The following DHX33 variants were observed in gnomAD, a reference collection of about 807,000 sequenced individuals.
DHX33 encodes the protein ATP-dependent RNA helicase DHX33.
A neutral mutation model predicts 72.5 loss-of-function variants in DHX33; 42 were observed. That is an observed-to-expected ratio of 0.58 (90% CI 0.45 to 0.75). The LOEUF (loss-of-function observed/expected upper bound fraction) is 0.75, where lower values mean the gene tolerates loss of function less well. Among genes scored for constraint, DHX33 ranks in the 30% least tolerant of loss-of-function variants. The pLI is 0.00. For synonymous variants in DHX33, 358 were observed against 366.1 expected, an observed-to-expected ratio of 0.98 and a Z score of 0.25; for missense variants, 842 against 917.5, an observed-to-expected ratio of 0.92 and a Z score of 1.06.
chr17:5,467,677 A>G (rs1462903389), intron 1 of DHX33, among the ~76,000 whole-genome samples: 1 of 152,040 alleles, frequency 6.6e-6, no homozygotes, highest in African/African-American at 2.4e-5. Context: ...GGCCGGAAAA[A>G]TGTCTGCCCC....
Position 5,453,662 on chromosome 17 carries a change from G to GCA in DHX33, c.1313_1314insTG (p.Leu439AlafsTer5). ...GAAGCTGAAGCATCACACTGGCCAG[G>GCA]TTACACCTGTGAAGAGCATGAGACC... is the stretch of plus-strand genomic sequence containing the variant. On this transcript the variant is annotated frameshift_variant, in exon 8 of 12. Transcript: ENST00000225296. LOFTEE classifies it high-confidence loss of function. 1 of 1,614,174 alleles carries GCA rather than the reference G, an allele frequency of 6.2e-7. No individual in the cohort carries two copies. Among genetic ancestry groups the GCA allele is most frequent in the Non-Finnish European group, 8.5e-7 (1 of 1,180,032 alleles).
chr17:5,465,081 T>G (rs1904816287), intron 1 of DHX33, among the ~76,000 whole-genome samples: 2 of 152,250 alleles, frequency 1.3e-5, no homozygotes, highest in South Asian at 4.1e-4. Context: ...CTCGTGTACT[T>G]GAGTATTTTG....
At chr17:5,454,196 C>T (rs1381620875) in intron 6 of DHX33, among the ~76,000 whole-genome samples, 2 of 152,146 alleles carry the variant, frequency 1.3e-5, no homozygotes, top group Non-Finnish European at 2.9e-5. Flanking sequence ...AAATCTGTTA[C>T]AAAAACATCA....
Position 5,441,095 on chromosome 17 carries a change from T to G in DHX33, c.*3110A>C, listed in dbSNP as rs941334442. 1 of 152,058 alleles carries G rather than the reference T, an allele frequency of 6.6e-6. No homozygotes were observed. The highest frequency in any genetic ancestry group is 1.5e-5 in the Non-Finnish European group (1 of 68,010). The allele number at this position is 152,058 out of a possible 1,614,324, so 9.4% of individuals were successfully genotyped here. Reference sequence around the variant, plus strand: ...TTACCAAGGAATATCGTATCTCAGATGCATGGCCTACTATCACACTGGTCT... The same window carrying G: ...TTACCAAGGAATATCGTATCTCAGAGGCATGGCCTACTATCACACTGGTCT... On this transcript the variant is annotated 3_prime_UTR_variant, in exon 12 of 12. Coordinates refer to ENST00000225296, the MANE Select transcript of DHX33 (RefSeq NM_020162.4).
chr17:5,456,319 G>A, intron 4 of DHX33, 137 bp from the exon 5 acceptor site: 4 of 983,842 alleles, frequency 4.1e-6, no homozygotes, highest in Non-Finnish European at 6.0e-6. Flanking sequence ...AAAAGTTGAT[G>A]TCTAGCTTGG....
At position 5,450,940 on chromosome 17, in the gene DHX33, G is replaced by T. The variant is rs776716116; in HGVS notation, c.1397-6C>A. ...AATGGCCGCCTGAATGTGATCTAAA[G>T]AAACAGAGACATAAAAAGGAGCCAA... On this transcript the variant is annotated splice_polypyrimidine_tract_variant and splice_region_variant and intron_variant, in intron 8 of 11. Transcript: ENST00000225296. The T allele has an allele frequency of 3.7e-6, 6 of 1,611,052 alleles. No individual in the cohort carries two copies. Among genetic ancestry groups the T allele is most frequent in the Non-Finnish European group, 5.1e-6 (6 of 1,179,010 alleles).
At chr17:5,463,864 A>T (rs1364698752) in intron 1 of DHX33, among the ~76,000 whole-genome samples, 175 bp from the exon 2 acceptor site, 1 of 150,878 alleles carries the variant, frequency 6.6e-6, no homozygotes, top group Non-Finnish European at 1.5e-5. Flanking sequence ...CAACAACAAC[A>T]ACAATTAGCC....
chr17:5,468,867 G>A lies in DHX33; in HGVS notation c.-8C>T, dbSNP rs1486854133. On this transcript the variant is annotated 5_prime_UTR_variant, in exon 1 of 12. Coordinates refer to ENST00000225296, the MANE Select transcript of DHX33 (RefSeq NM_020162.4). ...GCCCGCCTCCTCCGGCATGTCGGGA[G>A]GGCACCGCGGCGGGAGGCGCAAGCG... is the stretch of plus-strand genomic sequence containing the variant. 1.3e-6 allele frequency: 2 copies of A among 1,551,140 alleles called. No individual in the cohort carries two copies. Among genetic ancestry groups the A allele is most frequent in the South Asian group, 1.2e-5 (1 of 84,376 alleles).
intron 6 of DHX33, 128 bp from the exon 7 acceptor site, chr17:5,454,108 C>CA: frequency 9.2e-7 from 1 of 1,085,996 alleles, no homozygotes; most frequent in South Asian, 1.6e-5. Flanking sequence ...AAGGCTAGCA[C>CA]AATGGACAGC....
intron 11 of DHX33, among the ~76,000 whole-genome samples, chr17:5,447,449 C>T (rs1916700367): frequency 6.6e-6 from 1 of 152,072 alleles, no homozygotes; most frequent in South Asian, 2.1e-4. Flanking sequence ...ATGGTGAAAC[C>T]TCGTCTCTAC....
chr17:5,458,755 G>T lies in DHX33; in HGVS notation c.849+2184C>A, dbSNP rs1390797008. On this transcript the variant is annotated intron_variant, in intron 4 of 11. Transcript: ENST00000225296. The stretch of plus-strand genomic sequence containing the variant: ...AGCAAGGTAGTTTAGAAACATGAAA[G>T]CAATATGTAGAGATTGAAAGTAGGT... Among the ~76,000 whole-genome samples, 3 of 152,134 alleles carry T rather than the reference G, an allele frequency of 2.0e-5. No homozygotes were observed. In the South Asian group the frequency reaches 6.2e-4, roughly 32 times the overall value.
intron 4 of DHX33, among the ~76,000 whole-genome samples, chr17:5,457,243 G>C (rs908204791): frequency 6.6e-6 from 1 of 152,154 alleles, no homozygotes; most frequent in African/African-American, 2.4e-5. Flanking sequence ...GGGAGGCGGA[G>C]GTTGCAGTGA....
At chr17:5,464,930 C>G (rs1321997542) in intron 1 of DHX33, among the ~76,000 whole-genome samples, 3 of 152,210 alleles carry the variant, frequency 2.0e-5, no homozygotes, top group Non-Finnish European at 2.9e-5. Flanking sequence ...TGCACAGTGG[C>G]CCTCCTCTGG....
At chr17:5,468,486 A>T in intron 1 of DHX33, 85 bp downstream of exon 1, 1 of 1,471,114 alleles carries the variant, frequency 6.8e-7, no homozygotes, top group Non-Finnish European at 9.1e-7. Flanking sequence ...CACGAACGAA[A>T]GGGATTGAGA....
rs185297069 is a variant in DHX33 at position 5,468,498 on chromosome 17, G to A, written c.289+73C>T. On this transcript the variant is annotated intron_variant, in intron 1 of 11. Transcript: ENST00000225296. ...AGCCACGAACGAAAGGGATTGAGAGGCATGTAAGAAAAACTGCTCTAGCTA... is the reference window on the plus strand; with the variant it reads ...AGCCACGAACGAAAGGGATTGAGAGACATGTAAGAAAAACTGCTCTAGCTA... 6.6e-6 allele frequency: 10 copies of A among 1,513,080 alleles called. No individual in the cohort carries two copies. In the Admixed American group the frequency reaches 1.8e-4, roughly 27 times the overall value. 93.7% of individuals were successfully genotyped at this position (1,513,080 alleles called of 1,614,324 possible). A position where few individuals can be genotyped will look rare whatever the true frequency, so the allele number is the denominator to read the frequency against.
chr17:5,453,571 T>A lies in DHX33; in HGVS notation c.1396+9A>T. ...ACCCACCTTCTGCAAAACTGTGGATTTCACTTACCTGGAGATGGCTTCGAC... is the reference window on the plus strand; with the variant it reads ...ACCCACCTTCTGCAAAACTGTGGATATCACTTACCTGGAGATGGCTTCGAC... On this transcript the variant is annotated intron_variant, in intron 8 of 11. Transcript: ENST00000225296. The A allele has an allele frequency of 6.2e-7, 1 of 1,613,862 alleles. No individual in the cohort carries two copies. The highest frequency in any genetic ancestry group is 2.2e-5 in the East Asian group (1 of 44,884).
chr17:5,445,112 T>C (rs2151681618), intron 11 of DHX33, among the ~76,000 whole-genome samples: 1 of 151,566 alleles, frequency 6.6e-6, no homozygotes, highest in Admixed American at 6.6e-5. Flanking sequence ...TGAGTCTCCC[T>C]CTGTCACCCA....
chr17:5,468,202 T>A (rs1157696607), intron 1 of DHX33, among the ~76,000 whole-genome samples: 2 of 152,130 alleles, frequency 1.3e-5, no homozygotes, highest in Middle Eastern at 3.2e-3. Context: ...CAGGTTCCCA[T>A]CTCTCAAACG....
At chr17:5,446,248 T>C (rs1238662974) in intron 11 of DHX33, among the ~76,000 whole-genome samples, 1 of 152,216 alleles carries the variant, frequency 6.6e-6, no homozygotes, top group Non-Finnish European at 1.5e-5. Flanking sequence ...GTGCTGGGAC[T>C]AGAGGCATAA....
Sources: gnomAD v4.1 joint callset for allele counts (sites outside exome capture counted in the v4.1 genomes callset) on GRCh38, gnomAD v4.1.1 for gene constraint, MANE v1.5 for transcripts, NCBI Gene and HGNC (gene_info 2026-07-23, HGNC 2026-07-21) for gene names.